The following EYA4 variants were observed in gnomAD, a reference collection of about 807,000 sequenced individuals.
EYA4 encodes EYA transcriptional coactivator and phosphatase 4.
Under a neutral mutation model 87.9 loss-of-function variants are expected in EYA4, and 31 were observed. The ratio of observed to expected loss-of-function variants is 0.35; its 90% confidence interval spans 0.27 to 0.48. EYA4 has a LOEUF of 0.48. Among genes scored for constraint, EYA4 ranks in the 20% least tolerant of loss-of-function variants. The probability of loss-of-function intolerance (pLI) is 0.99; values close to 1 mark genes in which losing one functional copy is unlikely to be tolerated. For synonymous variants in EYA4, 263 were observed against 270.6 expected, an observed-to-expected ratio of 0.97 and a Z score of 0.28; for missense variants, 678 against 761.4, an observed-to-expected ratio of 0.89 and a Z score of 1.29.
rs766340934 is a variant in EYA4 at position 133,512,740 on chromosome 6, T to C, written c.1301T>C (p.Ile434Thr). ...TAACAGGAGTGTGATCAAGTTCATA[T>C]AGATGATGTTTCCTCTGATGATAAT... is the stretch of plus-strand genomic sequence containing the variant. The part of the protein sequence containing the change: ...NDLEECDQVH[I>T]DDVSSDDNGQ... Residue 434 changes from isoleucine (I) to threonine (T), a missense_variant, in exon 15 of 20, where the codon ATA becomes ACA. Ile to Thr is a moderately conservative substitution (Grantham distance 89). Coordinates refer to ENST00000355286, the MANE Select transcript of EYA4 (RefSeq NM_004100.5). 5.0e-6 allele frequency: 8 copies of C among 1,612,774 alleles called. No individual in the cohort carries two copies. Among genetic ancestry groups the C allele is most frequent in the Non-Finnish European group, 5.9e-6 (7 of 1,178,714 alleles).
At chr6:133,499,314 C>T (rs1477698328) in intron 13 of EYA4, among the ~76,000 whole-genome samples, 2 of 152,162 alleles carry the variant, frequency 1.3e-5, no homozygotes, top group African/African-American at 4.8e-5. Context: ...TATTTGCCAC[C>T]TCTGCTCTGC....
chr6:133,505,102 C>T (rs1798479438), intron 13 of EYA4, among the ~76,000 whole-genome samples: 2 of 152,310 alleles, frequency 1.3e-5, no homozygotes, highest in South Asian at 4.1e-4. Context: ...TTTGTCCCTT[C>T]CAGGTTTTTT....
At chr6:133,303,005 G>A (rs549179285) in intron 2 of EYA4, among the ~76,000 whole-genome samples, 5 of 152,320 alleles carry the variant, frequency 3.3e-5, no homozygotes, top group Admixed American at 3.3e-4. Flanking sequence ...AACATCCACA[G>A]CCAATATGTT....
intron 1 of EYA4, among the ~76,000 whole-genome samples, chr6:133,257,463 A>G (rs1775427714): frequency 6.6e-6 from 1 of 152,224 alleles, no homozygotes; most frequent in African/African-American, 2.4e-5. Flanking sequence ...GGTAATAAAT[A>G]TGACTGATAT....
intron 3 of EYA4, among the ~76,000 whole-genome samples, chr6:133,427,334 G>A (rs1583247647): frequency 6.6e-6 from 1 of 152,294 alleles, no homozygotes; most frequent in South Asian, 2.1e-4. Flanking sequence ...ACAAGATAGT[G>A]TCAATTAGTC....
At chr6:133,473,255 T>C (rs1157557371) in intron 11 of EYA4, among the ~76,000 whole-genome samples, 1 of 152,016 alleles carries the variant, frequency 6.6e-6, no homozygotes, top group East Asian at 1.9e-4. Flanking sequence ...CCAAGATGAC[T>C]CAATGCCATT....
chr6:133,448,542 A>G (rs771110170), intron 5 of EYA4, among the ~76,000 whole-genome samples: 16 of 152,222 alleles, frequency 1.1e-4, no homozygotes, highest in Non-Finnish European at 2.1e-4. Flanking sequence ...TGCAAACTTA[A>G]TCACCTTCAT....
chr6:133,301,564 G>A (rs137889165), intron 2 of EYA4, among the ~76,000 whole-genome samples: 1 of 152,340 alleles, frequency 6.6e-6, no homozygotes, highest in African/African-American at 2.4e-5. Context: ...CATTAAGCAT[G>A]TGTTAAGTAT....
intron 3 of EYA4, among the ~76,000 whole-genome samples, chr6:133,401,973 T>C (rs969629155): frequency 1.3e-5 from 2 of 152,150 alleles, no homozygotes; most frequent in African/African-American, 2.4e-5. Context: ...CTTTTTCTGT[T>C]CTTTGAGCAT....
chr6:133,314,234 C>T (rs552827314), intron 2 of EYA4, among the ~76,000 whole-genome samples: 9 of 152,136 alleles, frequency 5.9e-5, no homozygotes, highest in African/African-American at 1.2e-4. Context: ...TAAGTAGCAC[C>T]GTATGTGCCA....
intron 7 of EYA4, 145 bp from the exon 8 acceptor site, chr6:133,462,190 C>G: frequency 1.0e-6 from 1 of 971,990 alleles, no homozygotes; most frequent in Non-Finnish European, 1.6e-6. Flanking sequence ...GACATTCAGA[C>G]TGTTGCTTTT....
intron 14 of EYA4, chr6:133,511,668 A>G (rs982403615): frequency 2.6e-5 from 4 of 152,106 alleles, no homozygotes; most frequent in African/African-American, 9.7e-5. Flanking sequence ...AGCACACAGT[A>G]ACTTACAATC....
At chr6:133,298,185 C>T (rs1462535874) in intron 2 of EYA4, among the ~76,000 whole-genome samples, 4 of 151,906 alleles carry the variant, frequency 2.6e-5, no homozygotes, top group African/African-American at 9.7e-5. Flanking sequence ...GGTGGAAGCC[C>T]CTGAAGCCAA....
At chr6:133,259,384 C>T (rs1775609713) in intron 1 of EYA4, among the ~76,000 whole-genome samples, 2 of 152,142 alleles carry the variant, frequency 1.3e-5, no homozygotes, top group Admixed American at 1.3e-4. Flanking sequence ...GTATTTGATA[C>T]ATTATTTTCT....
intron 3 of EYA4, among the ~76,000 whole-genome samples, chr6:133,433,638 G>A (rs1424311006): frequency 1.3e-5 from 2 of 152,232 alleles, no homozygotes; most frequent in Non-Finnish European, 2.9e-5. Context: ...ACAGGCGTGA[G>A]CCACTGTGGC....
chr6:133,325,167 GAGCCACTGTGCCC>G (rs1781406263), intron 2 of EYA4: 1 of 152,432 alleles, frequency 6.6e-6, no homozygotes, highest in South Asian at 2.1e-4. Context: ...GCTTTTACTT[GAGCCACTGTGCCC>G]AGCCTCAAAA....
At chr6:133,371,945 C>T (rs1175218243) in intron 2 of EYA4, among the ~76,000 whole-genome samples, 1 of 152,122 alleles carries the variant, frequency 6.6e-6, no homozygotes, top group Admixed American at 6.6e-5. Flanking sequence ...TAGAATGAGA[C>T]CTTCACTACA....
At chr6:133,380,633 T>C (rs1786109373) in intron 2 of EYA4, among the ~76,000 whole-genome samples, 1 of 152,158 alleles carries the variant, frequency 6.6e-6, no homozygotes, top group African/African-American at 2.4e-5. Flanking sequence ...TATAGTTTTT[T>C]GGTGATAAAT....
chr6:133,294,227 C>T (rs62430314), intron 2 of EYA4, among the ~76,000 whole-genome samples: 13,050 of 150,426 alleles, frequency 0.087, 834 homozygotes, highest in Non-Finnish European at 0.13. Context: ...CAGGCTTATC[C>T]TCCTAAGTAG....
Sources: allele counts gnomAD v4.1 joint callset (sites outside exome capture counted in the v4.1 genomes callset), GRCh38; gene constraint gnomAD v4.1.1; transcripts MANE v1.5; gene names NCBI Gene and HGNC (gene_info 2026-07-23, HGNC 2026-07-21).